RCOR2: variants seen among roughly 807,000 people sequenced by gnomAD.
RCOR2 encodes the protein REST corepressor 2.
A neutral mutation model predicts 58.9 loss-of-function variants in RCOR2; 19 were observed. The observed-to-expected ratio is 0.32, with a 90% CI of 0.23 to 0.47. The LOEUF (loss-of-function observed/expected upper bound fraction) is 0.47, where lower values mean the gene tolerates loss of function less well. Among genes scored for constraint, RCOR2 ranks in the 20% least tolerant of loss-of-function variants. RCOR2 has a pLI of 1.00. For synonymous variants in RCOR2, 286 were observed against 278.7 expected (o/e 1.03, Z -0.26); for missense variants, 590 against 707.9 (o/e 0.83, Z 1.89).
chr11:63,925,995 C>T, the RCOR2 span, among the ~76,000 whole-genome samples: 1 of 152,004 alleles, frequency 6.6e-6, no homozygotes, highest in Non-Finnish European at 1.5e-5. Flanking sequence ...CTGCAACCTC[C>T]ACCTCCCAGG....
At chr11:63,915,340 A>T in intron 2 of RCOR2, 82 bp from the exon 3 acceptor site, 16 of 1,315,830 alleles carry the variant, frequency 1.2e-5, no homozygotes, top group Non-Finnish European at 1.7e-5. Flanking sequence ...AGGGCAGCAG[A>T]GGAGTGGAGC....
chr11:63,925,854 G>A, the RCOR2 span, among the ~76,000 whole-genome samples: 1 of 151,740 alleles, frequency 6.6e-6, no homozygotes, highest in South Asian at 2.1e-4. Context: ...GAACCCGGAG[G>A]TGGAGGAGAA....
chr11:63,912,248 G>C, intron 11 of RCOR2, 57 bp downstream of exon 11: 1 of 1,595,442 alleles, frequency 6.3e-7, no homozygotes, highest in South Asian at 1.1e-5. Flanking sequence ...GACCAAGGCG[G>C]CGCCTCACCT....
Position 63,914,966 on chromosome 11 carries a change from G to C in RCOR2, c.266-12C>G, listed in dbSNP as rs537726361. ...AATGTACTTGTCAACTGCAGGGGCA[G>C]CAGGGGCAGGGTCTTGGTGAAGGGG... On this transcript the variant is annotated splice_polypyrimidine_tract_variant and intron_variant, in intron 3 of 11. Transcript: ENST00000301459. 1 of 1,613,740 alleles carries C rather than the reference G, an allele frequency of 6.2e-7. No individual in the cohort carries two copies. The highest frequency in any genetic ancestry group is 1.3e-5 in the African/African-American group (1 of 74,934).
Position 63,914,300 on chromosome 11 carries a change from C to T in RCOR2, c.636G>A (p.Val212=). Residue 212 remains valine (V), a synonymous_variant, in exon 7 of 12, where the codon GTG becomes GTA. Transcript: ENST00000301459. Reference sequence around the variant, plus strand: ...CTGCAGGATCGGGCTCTCCCTCACTCACGCCTCCTCGACCCTCTTCGAGCT... The same window carrying T: ...CTGCAGGATCGGGCTCTCCCTCACTTACGCCTCCTCGACCCTCTTCGAGCT... The part of the protein sequence containing the change: ...SDELEEGRGG[V]SEGEPDPADP... 1 of 1,613,590 alleles carries T rather than the reference C, an allele frequency of 6.2e-7. No individual in the cohort carries two copies. Among genetic ancestry groups the T allele is most frequent in the Non-Finnish European group, 8.5e-7 (1 of 1,180,000 alleles).
In RCOR2 at chr11:63,915,200, G is replaced by A. The variant is rs377453287; in HGVS notation, c.243C>T (p.Asn81=). Residue 81 remains asparagine, a synonymous_variant, in exon 3 of 12, where the codon AAC becomes AAT. Coordinates refer to ENST00000301459, the MANE Select transcript of RCOR2 (RefSeq NM_173587.4). The part of the protein sequence containing the change: ...ELKGMLVWSP[N]HCVSDAKLDK... Reference sequence around the variant, plus strand: ...CACGCTTGGCATCTGACACACAGTGGTTGGGTGACCACACCAGCATCCCCT... The same window carrying A: ...CACGCTTGGCATCTGACACACAGTGATTGGGTGACCACACCAGCATCCCCT... The A allele has an allele frequency of 5.8e-6, 9 of 1,551,398 alleles. No homozygotes were observed. Among genetic ancestry groups the A allele is most frequent in the Admixed American group, 2.0e-5 (1 of 51,008 alleles).
At chr11:63,919,589 G>A (rs772209736), upstream of RCOR2, among the ~76,000 whole-genome samples, 6 of 152,200 alleles carry the variant, frequency 3.9e-5, no homozygotes, top group Non-Finnish European at 8.8e-5. Context: ...GAACATGGGG[G>A]TGTGGGAGGG....
rs747254445 is a variant in RCOR2, at chr11:63,912,874, G to C, written c.965C>G (p.Pro322Arg). The C allele has an allele frequency of 3.1e-6, 5 of 1,613,312 alleles. No individual in the cohort carries two copies. The highest frequency in any genetic ancestry group is 4.2e-6 in the Non-Finnish European group (5 of 1,179,572). ...TAACTTAAAGAGCAGCCATACCTCC[G>C]GGGGGCGTAGTGGATCAATACCGCC... The part of the protein sequence containing the change: ...LEGGIDPLRP[P>R]EANTKFNSRW... The change falls in exon 9 of 12, where the codon CCG (proline) becomes CGG (arginine). Residue 322 changes from proline to arginine, a missense_variant. By Grantham distance (103) the Pro-to-Arg change is moderately radical. Transcript: ENST00000301459.
chr11:63,925,358 C>T, the RCOR2 span, among the ~76,000 whole-genome samples: 1 of 152,234 alleles, frequency 6.6e-6, no homozygotes, highest in East Asian at 1.9e-4. Context: ...TCCCAAGGCC[C>T]TGGATACCAT....
chr11:63,913,876 C>T (rs1941815652), intron 8 of RCOR2, 78 bp downstream of exon 8: 9 of 1,344,058 alleles, frequency 6.7e-6, no homozygotes, highest in Middle Eastern at 2.2e-4. Flanking sequence ...CTCGCTTACA[C>T]CTCAGCTCCC....
At position 63,916,699 on chromosome 11, in the gene RCOR2, G is replaced by A. The variant is rs1338229024; in HGVS notation, c.-243C>T. ...TTGTGCAGAAGTGGGGGACGCAAGG[G>A]ATGAGCGCAAGGTCCGGTGCGGCTG... On this transcript the variant is annotated 5_prime_UTR_variant, in exon 1 of 12. Transcript: ENST00000301459. 1 of 589,294 alleles carries A rather than the reference G, an allele frequency of 1.7e-6. No homozygotes were observed. The highest frequency in any genetic ancestry group is 3.1e-5 in the East Asian group (1 of 32,032). The allele number at this position is 589,294 out of a possible 1,614,324, so 36.5% of individuals were successfully genotyped here.
intron 2 of RCOR2, 128 bp from the exon 3 acceptor site, chr11:63,915,386 G>C (rs1407963159): frequency 1.4e-5 from 16 of 1,109,896 alleles, no homozygotes; most frequent in Non-Finnish European, 1.7e-5. Flanking sequence ...AGGAGGGGCA[G>C]AGACCCAGAC....
At chr11:63,915,322 A>C in intron 2 of RCOR2, 64 bp from the exon 3 acceptor site, 1 of 1,430,936 alleles carries the variant, frequency 7.0e-7, no homozygotes, top group Non-Finnish European at 9.6e-7. Flanking sequence ...GCCTAGACCC[A>C]TGGCCAGAGG....
At chr11:63,920,811 G>C (rs1229482664), upstream of RCOR2, among the ~76,000 whole-genome samples, 2 of 152,122 alleles carry the variant, frequency 1.3e-5, no homozygotes, top group African/African-American at 2.4e-5. Flanking sequence ...TGGGCAGGCT[G>C]TGTGGCCCAG....
intron 5 of RCOR2, 43 bp from the exon 6 acceptor site, chr11:63,914,584 TG>T: frequency 6.2e-7 from 1 of 1,612,112 alleles, no homozygotes. Context: ...CTCAAGACTC[TG>T]GGCCCCAGGT....
At position 63,911,992 on chromosome 11, in the gene RCOR2, G is replaced by C. The variant is rs1413310058; in HGVS notation, c.1445C>G (p.Pro482Arg). 2.2e-6 allele frequency: 3 copies of C among 1,395,300 alleles called. No homozygotes were observed. Among genetic ancestry groups the C allele is most frequent in the Non-Finnish European group, 2.8e-6 (3 of 1,059,040 alleles). The allele number at this position is 1,395,300 out of a possible 1,614,324, so 86.4% of individuals were successfully genotyped here. ...QGRFLQPRLA[P>R]NQPPPPLIRP... is the part of the protein sequence containing the mutation. ...GATGAGAGGCGGTGGGGGCTGGTTG[G>C]GGGCCAGCCGGGGCTGGAGGAAGCG... Residue 482 changes from proline to arginine, a missense_variant, in exon 12 of 12, where the codon CCC becomes CGC. By Grantham distance (103) the Pro-to-Arg change is moderately radical. This residue lies in a region of RCOR2 where 196 missense variants were observed against 210.7 expected (regional missense o/e 0.93). Coordinates refer to ENST00000301459, the MANE Select transcript of RCOR2 (RefSeq NM_173587.4).
intron 10 of RCOR2, 65 bp downstream of exon 10, chr11:63,912,611 C>A (rs1212431230): frequency 1.3e-6 from 2 of 1,592,214 alleles, no homozygotes; most frequent in South Asian, 1.1e-5. Context: ...CTCTGCCCCC[C>A]CACTCCTTGG....
intron 2 of RCOR2, 81 bp from the exon 3 acceptor site, chr11:63,915,339 G>C: frequency 7.6e-7 from 1 of 1,314,262 alleles, no homozygotes; most frequent in Non-Finnish European, 1.1e-6. Context: ...GAGGGCAGCA[G>C]AGGAGTGGAG....
chr11:63,914,982 G>C, intron 3 of RCOR2, 28 bp from the exon 4 acceptor site: 1 of 1,613,508 alleles, frequency 6.2e-7, no homozygotes, highest in Non-Finnish European at 8.5e-7. Context: ...GCAGGGTCTT[G>C]GTGAAGGGGG....
Sources: gnomAD v4.1 joint callset for allele counts (sites outside exome capture counted in the v4.1 genomes callset) on GRCh38, gnomAD v4.1.1 for gene constraint, gnomAD v4.1.1 regional missense constraint, MANE v1.5 for transcripts, NCBI Gene and HGNC (gene_info 2026-07-23, HGNC 2026-07-21) for gene names.